CAB39: variants seen among roughly 807,000 people sequenced by gnomAD.
CAB39 encodes calcium-binding protein 39.
In CAB39, 8 loss-of-function variants were observed where a neutral mutation model predicts 40.0. The observed-to-expected ratio is 0.20, with a 90% CI of 0.12 to 0.36. The LOEUF (loss-of-function observed/expected upper bound fraction) is 0.36, where lower values mean the gene tolerates loss of function less well. CAB39 is among the 10% of genes least tolerant of loss of function. The pLI, the probability that CAB39 is intolerant of heterozygous loss-of-function variation, is 1.00. For synonymous variants in CAB39, 156 were observed against 141.6 expected (o/e 1.10, Z -0.72); for missense variants, 270 against 401.1 (o/e 0.67, Z 2.79).
rs1377723611 is a variant in CAB39, at chr2:230,818,950, G to A, written c.*246G>A. ...TTCAGAATTCAAAGACTGTGCTACG[G>A]GAGTTCTGAACATGGCTGGGTTCAT... On this transcript the variant is annotated 3_prime_UTR_variant, in exon 9 of 9. Transcript: ENST00000258418. 2.6e-6 allele frequency: 1 copy of A among 390,478 alleles called. No individual in the cohort carries two copies. Among genetic ancestry groups the A allele is most frequent in the African/African-American group, 2.1e-5 (1 of 48,162 alleles). The allele number at this position is 390,478 out of a possible 1,614,324, so 24.2% of individuals were successfully genotyped here.
intron 1 of CAB39, among the ~76,000 whole-genome samples, chr2:230,742,047 T>C (rs186272587): frequency 2.6e-5 from 4 of 152,346 alleles, no homozygotes; most frequent in African/African-American, 9.6e-5. Context: ...ATGTTAGATA[T>C]CTATAAATAT....
intron 1 of CAB39, among the ~76,000 whole-genome samples, chr2:230,729,767 A>T (rs918759070): frequency 1.3e-5 from 2 of 152,124 alleles, no homozygotes; most frequent in African/African-American, 4.8e-5. Context: ...AAGTTTAGTA[A>T]GATGGTTTTA....
chr2:230,804,950 A>T (rs570073361), intron 5 of CAB39, among the ~76,000 whole-genome samples: 1 of 152,210 alleles, frequency 6.6e-6, no homozygotes, highest in Non-Finnish European at 1.5e-5. Flanking sequence ...ATGCACACGT[A>T]TATTTACTGT....
intron 1 of CAB39, among the ~76,000 whole-genome samples, chr2:230,732,781 T>C (rs986750054): frequency 6.6e-6 from 1 of 152,190 alleles, no homozygotes; most frequent in Non-Finnish European, 1.5e-5. Flanking sequence ...AGTGTGTGCC[T>C]GTAGGAGAAA....
intron 5 of CAB39, among the ~76,000 whole-genome samples, chr2:230,804,591 T>C (rs1322072100): frequency 6.6e-6 from 1 of 152,170 alleles, no homozygotes; most frequent in Non-Finnish European, 1.5e-5. Context: ...GCAAATGATA[T>C]GAACAGACAC....
chr2:230,817,637 G>C (rs1696425387), intron 7 of CAB39, 117 bp from the exon 8 acceptor site: 2 of 731,820 alleles, frequency 2.7e-6, no homozygotes, highest in African/African-American at 3.7e-5. Flanking sequence ...CAGTTCTTCG[G>C]TCTTTTGAGT....
intron 2 of CAB39, among the ~76,000 whole-genome samples, chr2:230,782,768 C>G (rs1485594058): frequency 6.7e-6 from 1 of 150,208 alleles, no homozygotes; most frequent in African/African-American, 2.5e-5. Context: ...AGTATTTCCT[C>G]CAACATTGAA....
At chr2:230,771,130 A>C (rs1266985995) in intron 2 of CAB39, among the ~76,000 whole-genome samples, 1 of 150,898 alleles carries the variant, frequency 6.6e-6, no homozygotes. Flanking sequence ...ATGATCATCT[A>C]CATAGAAAAA....
chr2:230,816,245 C>G (rs984050348), intron 7 of CAB39, among the ~76,000 whole-genome samples: 2 of 152,118 alleles, frequency 1.3e-5, no homozygotes, highest in African/African-American at 2.4e-5. Context: ...TGCACTCCAG[C>G]CTTTGTGACA....
intron 1 of CAB39, among the ~76,000 whole-genome samples, chr2:230,746,753 C>G (rs140477839): frequency 2.5e-4 from 38 of 152,164 alleles, no homozygotes; most frequent in African/African-American, 8.7e-4. Context: ...CTAGTCAACT[C>G]TTGGTTATTT....
At chr2:230,812,387 C>A (rs762307934) in intron 6 of CAB39, among the ~76,000 whole-genome samples, 1 of 152,188 alleles carries the variant, frequency 6.6e-6, no homozygotes, top group Non-Finnish European at 1.5e-5. Context: ...TTGTTACTTA[C>A]TCTTTGTCTG....
rs571998425 is a variant in CAB39 at position 230,771,655 on chromosome 2, A to G, written c.114+11540A>G. ...GTGCAAAAGACCTGGAGTAATCAAA[A>G]TAACTAATTAAAACAAAGTTGGAGG... On this transcript the variant is annotated intron_variant, in intron 2 of 8. Transcript: ENST00000258418. 4.6e-5 allele frequency among the ~76,000 whole-genome samples: 7 copies of G among 152,358 alleles called. No individual in the cohort carries two copies. The South Asian group carries it at 8.3e-4, about 18-fold the overall frequency.
intron 1 of CAB39, among the ~76,000 whole-genome samples, chr2:230,746,463 G>A (rs1418498563): frequency 1.3e-5 from 2 of 152,166 alleles, no homozygotes; most frequent in African/African-American, 4.8e-5. Flanking sequence ...AAATAGTGTT[G>A]CACTCTTAGG....
chr2:230,812,279 G>A (rs1042762708), intron 6 of CAB39, among the ~76,000 whole-genome samples: 1 of 152,296 alleles, frequency 6.6e-6, no homozygotes. Context: ...AGTCATTGCC[G>A]TGGCATTGCA....
At chr2:230,806,315 A>G (rs1398824130) in intron 5 of CAB39, among the ~76,000 whole-genome samples, 1 of 152,164 alleles carries the variant, frequency 6.6e-6, no homozygotes, top group Non-Finnish European at 1.5e-5. Context: ...CTTTGAGTAA[A>G]CAATTTTGAA....
chr2:230,807,698 G>A (rs1696225257), intron 5 of CAB39, among the ~76,000 whole-genome samples: 1 of 152,108 alleles, frequency 6.6e-6, no homozygotes, highest in Non-Finnish European at 1.5e-5. Context: ...GTGAATACTC[G>A]CTTCTCTCAA....
chr2:230,777,117 G>T (rs373933651), intron 2 of CAB39, among the ~76,000 whole-genome samples: 1 of 149,934 alleles, frequency 6.7e-6, no homozygotes, highest in Non-Finnish European at 1.5e-5. Context: ...ATTTATTTCT[G>T]TATCTATACA....
chr2:230,725,205 A>G, intron 1 of CAB39: 1 of 1,603,322 alleles, frequency 6.2e-7, no homozygotes, highest in Non-Finnish European at 8.5e-7. Context: ...CTGGCGCCAC[A>G]AGTGTCTTTC....
At chr2:230,786,240 A>G (rs1049623348) in intron 2 of CAB39, among the ~76,000 whole-genome samples, 1 of 151,126 alleles carries the variant, frequency 6.6e-6, no homozygotes, top group African/African-American at 2.4e-5. Flanking sequence ...CCTAGGCTCA[A>G]GTGATCTATC....
Sources: gnomAD v4.1 joint callset for allele counts (sites outside exome capture counted in the v4.1 genomes callset) on GRCh38, gnomAD v4.1.1 for gene constraint, MANE v1.5 for transcripts, NCBI Gene and HGNC (gene_info 2026-07-23, HGNC 2026-07-21) for gene names.